GLG1: variants seen among roughly 807,000 people sequenced by gnomAD.
GLG1 encodes golgi glycoprotein 1, also known as Golgi apparatus protein 1.
GLG1 carries 38 observed loss-of-function variants against 160.5 expected under a neutral mutation model. The observed-to-expected ratio is 0.24, with a 90% confidence interval of 0.18 to 0.31. The LOEUF is 0.31. Ranked by LOEUF, GLG1 falls within the 10% of genes least tolerant of loss-of-function variation. The pLI, the probability that GLG1 is intolerant of heterozygous loss-of-function variation, is 1.00. For synonymous variants in GLG1, 644 were observed against 543.4 expected (o/e 1.19, Z -2.57); for missense variants, 1,373 against 1,505.2 (o/e 0.91, Z 1.45).
chr16:74,476,095 T>C (rs2015382057), intron 12 of GLG1, among the ~76,000 whole-genome samples: 1 of 152,002 alleles, frequency 6.6e-6, no homozygotes, highest in African/African-American at 2.4e-5. Context: ...GGCACAAGAA[T>C]TGCTTGAACC....
intron 1 of GLG1, among the ~76,000 whole-genome samples, chr16:74,536,153 G>C (rs2017681466): frequency 6.6e-6 from 1 of 152,152 alleles, no homozygotes; most frequent in African/African-American, 2.4e-5. Flanking sequence ...TGCTGATTCG[G>C]GTTTGGTTCT....
intron 2 of GLG1, among the ~76,000 whole-genome samples, chr16:74,518,244 A>C (rs2017045459): frequency 6.6e-6 from 1 of 152,118 alleles, no homozygotes; most frequent in South Asian, 2.1e-4. Context: ...ATAGCCAAGA[A>C]AATCTTGGGC....
intron 1 of GLG1, among the ~76,000 whole-genome samples, chr16:74,556,719 G>C (rs2018363961): frequency 6.7e-6 from 1 of 148,586 alleles, no homozygotes; most frequent in South Asian, 2.1e-4. Context: ...ATAATTTTGA[G>C]ACAAGGTCTT....
intron 2 of GLG1, among the ~76,000 whole-genome samples, chr16:74,527,518 G>C (rs570750222): frequency 5.9e-5 from 9 of 151,894 alleles, no homozygotes; most frequent in African/African-American, 1.2e-4. Flanking sequence ...CCAAAGTGCT[G>C]GGATTACAGG....
intron 1 of GLG1, among the ~76,000 whole-genome samples, chr16:74,569,922 C>T (rs1320817539): frequency 2.0e-5 from 3 of 149,492 alleles, no homozygotes; most frequent in African/African-American, 7.4e-5. Flanking sequence ...ATGGCTCACA[C>T]CTGTAATTCC....
chr16:74,469,139 T>C, intron 16 of GLG1, 76 bp from the exon 17 acceptor site: 3 of 894,230 alleles, frequency 3.4e-6, no homozygotes, highest in Non-Finnish European at 1.9e-6. Context: ...TTGGGGGGGG[T>C]CACACCATTA....
At chr16:74,533,223 A>C (rs796982319) in intron 1 of GLG1, among the ~76,000 whole-genome samples, 1 of 152,178 alleles carries the variant, frequency 6.6e-6, no homozygotes. Flanking sequence ...CTGGAGGCAG[A>C]GGCAGGAGAA....
chr16:74,499,798 T>C (rs1427498587), intron 4 of GLG1, among the ~76,000 whole-genome samples: 1 of 152,176 alleles, frequency 6.6e-6, no homozygotes, highest in Admixed American at 6.5e-5. Flanking sequence ...GGTCAGGAGA[T>C]AGAGACCATC....
chr16:74,514,504 G>T (rs938618374), intron 2 of GLG1, among the ~76,000 whole-genome samples: 1 of 152,176 alleles, frequency 6.6e-6, no homozygotes, highest in Non-Finnish European at 1.5e-5. Flanking sequence ...TTAAAGAAAA[G>T]AATTTTCAAC....
chr16:74,496,749 A>ACACAC lies in GLG1; in HGVS notation c.775-106_775-105insGTGTG, dbSNP rs2016204670. ...ACACACACACACACACACACACACA[A>ACACAC]AGTAATAAAACCCCATCATAGAGTT... On this transcript the variant is annotated intron_variant, in intron 4 of 25. Transcript: ENST00000422840. 12 of 480,082 alleles carry ACACAC rather than the reference A, an allele frequency of 2.5e-5. No homozygotes were observed. In the Admixed American group the frequency reaches 4.5e-4, roughly 18 times the overall value. The allele number at this position is 480,082 out of a possible 1,614,324, so 29.7% of individuals were successfully genotyped here. A position where few individuals can be genotyped will look rare whatever the true frequency, so the allele number is the denominator to read the frequency against.
At chr16:74,540,789 G>A (rs576571224) in intron 1 of GLG1, among the ~76,000 whole-genome samples, 8 of 152,048 alleles carry the variant, frequency 5.3e-5, no homozygotes, top group East Asian at 1.9e-4. Context: ...CTTTGGCATC[G>A]AGGGGAAGAA....
chr16:74,532,374 C>T (rs1319146961), intron 1 of GLG1, among the ~76,000 whole-genome samples: 2 of 151,886 alleles, frequency 1.3e-5, no homozygotes, highest in African/African-American at 4.8e-5. Flanking sequence ...AGACTTAACC[C>T]CTTCCCGATG....
intron 1 of GLG1, among the ~76,000 whole-genome samples, chr16:74,590,281 G>C (rs1340644934): frequency 6.6e-6 from 1 of 151,986 alleles, no homozygotes; most frequent in East Asian, 1.9e-4. Flanking sequence ...TTACAAGCGT[G>C]AGCCACCGTG....
intron 12 of GLG1, among the ~76,000 whole-genome samples, chr16:74,475,157 CAAAAAA>C (rs58639513): frequency 3.8e-5 from 2 of 52,854 alleles, no homozygotes; most frequent in East Asian, 6.1e-4. Flanking sequence ...AACTCCGTCT[CAAAAAA>C]AAAAAAAAAA....
chr16:74,566,878 T>TA (rs1029070307), intron 1 of GLG1, among the ~76,000 whole-genome samples: 1 of 152,108 alleles, frequency 6.6e-6, no homozygotes, highest in African/African-American at 2.4e-5. Flanking sequence ...AAACTTTAAA[T>TA]AAACAACAGA....
intron 7 of GLG1, among the ~76,000 whole-genome samples, chr16:74,492,446 C>G (rs1252755267): frequency 6.6e-6 from 1 of 150,870 alleles, no homozygotes; most frequent in Non-Finnish European, 1.5e-5. Flanking sequence ...ACTCTGGGAG[C>G]TAAGGTGGGA....
chr16:74,490,373 C>G (rs1218872984), intron 8 of GLG1, among the ~76,000 whole-genome samples: 1 of 152,070 alleles, frequency 6.6e-6, no homozygotes, highest in East Asian at 1.9e-4. Context: ...ACACGTTTAC[C>G]CATGTAACAA....
In GLG1 at chr16:74,447,678, TCA is replaced by T. The variant is rs1452059707; in HGVS notation, c.*5487_*5488del. 6.6e-6 allele frequency: 1 copy of T among 152,268 alleles called. No homozygotes were observed. The highest frequency in any genetic ancestry group is 1.9e-4 in the East Asian group (1 of 5,202). 9.4% of individuals were successfully genotyped at this position (152,268 alleles called of 1,614,324 possible). A position where few individuals can be genotyped will look rare whatever the true frequency, so the allele number is the denominator to read the frequency against. On this transcript the variant is annotated 3_prime_UTR_variant, in exon 26 of 26. Transcript: ENST00000422840. ...CAAAAAAAGTGAAAAGCCTAAGATC[TCA>T]CACAGCATTTGCTGTACAGACTGTT...
chr16:74,599,486 G>A (rs1169791304), intron 1 of GLG1, among the ~76,000 whole-genome samples: 1 of 152,202 alleles, frequency 6.6e-6, no homozygotes, highest in Non-Finnish European at 1.5e-5. Flanking sequence ...GGGAGGCCAA[G>A]GCGGGTGGGA....
Sources: allele counts gnomAD v4.1 joint callset (sites outside exome capture counted in the v4.1 genomes callset), GRCh38; gene constraint gnomAD v4.1.1; transcripts MANE v1.5; gene names NCBI Gene and HGNC (gene_info 2026-07-23, HGNC 2026-07-21).